Variants in BMPR2 observed in about 807,000 individuals in gnomAD.
The protein encoded by BMPR2 is bone morphogenetic protein receptor type 2, also known as bone morphogenetic protein receptor type-2.
In BMPR2, 29 loss-of-function variants were observed where a neutral mutation model predicts 100.8. The ratio of observed to expected loss-of-function variants is 0.29; its 90% CI spans 0.21 to 0.39. The LOEUF (loss-of-function observed/expected upper bound fraction) is 0.39. BMPR2 is among the 10% of genes least tolerant of loss of function. The pLI is 1.00. For synonymous variants in BMPR2, 382 were observed against 442.3 expected (o/e 0.86, Z 1.71); for missense variants, 1,011 against 1,274.5 (o/e 0.79, Z 3.15).
intron 10 of BMPR2, among the ~76,000 whole-genome samples, chr2:202,543,554 A>G (rs1347560550): frequency 6.6e-6 from 1 of 151,838 alleles, no homozygotes; most frequent in Non-Finnish European, 1.5e-5. Context: ...TATGATAATT[A>G]TTGTATTAAA....
intron 10 of BMPR2, among the ~76,000 whole-genome samples, chr2:202,545,246 A>C (rs1688356540): frequency 1.1e-3 from 2 of 1,818 alleles, no homozygotes; most frequent in East Asian, 0.014. Flanking sequence ...CCCTTACTAC[A>C]TTTTTCAAGA....
chr2:202,459,017 T>C (rs535484224), intron 1 of BMPR2, among the ~76,000 whole-genome samples: 4 of 152,210 alleles, frequency 2.6e-5, no homozygotes, highest in Non-Finnish European at 5.9e-5. Context: ...AAATATAAAG[T>C]TGTTTTTATA....
chr2:202,552,212 A>T (rs1393705068), intron 10 of BMPR2, among the ~76,000 whole-genome samples: 2 of 151,628 alleles, frequency 1.3e-5, no homozygotes, highest in Non-Finnish European at 2.9e-5. Flanking sequence ...CTGGTCTCAA[A>T]CTCCTAACCT....
intron 1 of BMPR2, among the ~76,000 whole-genome samples, chr2:202,409,882 G>A (rs753362331): frequency 2.0e-5 from 3 of 152,142 alleles, no homozygotes; most frequent in Non-Finnish European, 2.9e-5. Context: ...AGAAAATATT[G>A]TGGATAATAA....
intron 1 of BMPR2, among the ~76,000 whole-genome samples, chr2:202,379,593 C>A (rs1690227695): frequency 6.6e-6 from 1 of 152,132 alleles, no homozygotes; most frequent in South Asian, 2.1e-4. Flanking sequence ...TTTGCTTGGC[C>A]TAATATTGAA....
At chr2:202,465,024 T>A in intron 2 of BMPR2, 45 bp downstream of exon 2, 1 of 1,601,454 alleles carries the variant, frequency 6.2e-7, no homozygotes. Context: ...TTTTATACAA[T>A]TGATATTTAT....
intron 1 of BMPR2, among the ~76,000 whole-genome samples, chr2:202,410,473 C>T (rs1690990743): frequency 1.3e-5 from 2 of 152,076 alleles, no homozygotes; most frequent in Admixed American, 1.3e-4. Context: ...TTGGTCAAAG[C>T]TAAGACAAAA....
At chr2:202,465,115 G>C in intron 2 of BMPR2, 136 bp downstream of exon 2, 2 of 1,138,486 alleles carry the variant, frequency 1.8e-6, no homozygotes, top group South Asian at 2.7e-5. Flanking sequence ...GCCAGGTGTG[G>C]TGGCTCATGC....
In BMPR2 at chr2:202,532,712, G is replaced by C; in HGVS notation, c.1256G>C (p.Arg419Thr). 2 of 1,613,176 alleles carry C rather than the reference G, an allele frequency of 1.2e-6. No individual in the cohort carries two copies. Among genetic ancestry groups the C allele is most frequent in the Non-Finnish European group, 1.7e-6 (2 of 1,179,924 alleles). ...CTAATCTATTGGGAGATATTTATGA[G>C]ATGTACAGACCTCTTCCCAGGTAAA... is the stretch of plus-strand genomic sequence containing the variant. ...LGLIYWEIFM[R>T]CTDLFPGESV... The change falls in exon 9 of 13, where the codon AGA becomes ACA. Residue 419 changes from arginine to threonine, a missense_variant. By Grantham distance (71) the Arg-to-Thr change is moderately conservative. Around this residue, in one of 6 missense-constraint regions of BMPR2, gnomAD observed 83 missense variants for 140.7 expected, o/e 0.59. Transcript: ENST00000374580. The surrounding 1 kb of genome is among the most constrained non-coding windows in gnomAD (Gnocchi z 4.1).
intron 1 of BMPR2, among the ~76,000 whole-genome samples, chr2:202,387,282 CAT>C (rs1690448458): frequency 6.6e-6 from 1 of 152,174 alleles, no homozygotes; most frequent in Non-Finnish European, 1.5e-5. Flanking sequence ...TGAAGAGACA[CAT>C]GAGCATTTCT....
intron 1 of BMPR2, among the ~76,000 whole-genome samples, chr2:202,380,431 C>A (rs865933631): frequency 6.6e-6 from 1 of 151,890 alleles, no homozygotes; most frequent in African/African-American, 2.4e-5. Context: ...GTTTAGTAAT[C>A]TTCATTTTAG....
rs1688052228 is a variant in BMPR2, at chr2:202,532,742, A to G, written c.1276+10A>G. 1 of 1,610,494 alleles carries G rather than the reference A, an allele frequency of 6.2e-7. No individual in the cohort carries two copies. The highest frequency in any genetic ancestry group is 1.7e-5 in the Admixed American group (1 of 60,024). ...ACAGACCTCTTCCCAGGTAAAAACTACTGTCAAAAGTTGATATTTTTTGAA... is the reference window on the plus strand; with the variant it reads ...ACAGACCTCTTCCCAGGTAAAAACTGCTGTCAAAAGTTGATATTTTTTGAA... On this transcript the variant is annotated intron_variant, in intron 9 of 12. Transcript: ENST00000374580. The surrounding 1 kb of genome is among the most constrained non-coding windows in gnomAD (Gnocchi z 4.1).
intron 3 of BMPR2, among the ~76,000 whole-genome samples, chr2:202,492,438 G>A (rs571858583): frequency 4.6e-5 from 7 of 152,080 alleles, no homozygotes; most frequent in East Asian, 1.9e-4. Context: ...GGTGACTCAC[G>A]CTTGTAATCC....
At position 202,532,158 on chromosome 2, in the gene BMPR2, G is replaced by A. The variant is rs931240852; in HGVS notation, c.1129-427G>A. Among the ~76,000 whole-genome samples the A allele has an allele frequency of 6.8e-6, 1 of 147,150 alleles. No individual in the cohort carries two copies. Among genetic ancestry groups the A allele is most frequent in the African/African-American group, 2.5e-5 (1 of 39,662 alleles). ...GGGTTTCACTGTGTTAGCCAGGATG[G>A]TCTCGATCTCCTGACCTTGAGATCC... On this transcript the variant is annotated intron_variant, in intron 8 of 12. Coordinates refer to ENST00000374580, the MANE Select transcript of BMPR2 (RefSeq NM_001204.7). This position sits in a 1 kb window ranked among gnomAD's most constrained non-coding sequence, Gnocchi z 4.1.
intron 1 of BMPR2, among the ~76,000 whole-genome samples, chr2:202,425,769 T>C (rs546682346): frequency 1.3e-5 from 2 of 152,250 alleles, no homozygotes; most frequent in Non-Finnish European, 2.9e-5. Context: ...AATATATCCT[T>C]TTGACCTTGG....
At position 202,555,932 on chromosome 2, in the gene BMPR2, C is replaced by G. The variant is rs779080763; in HGVS notation, c.2267C>G (p.Thr756Ser). 3.7e-6 allele frequency: 6 copies of G among 1,614,176 alleles called. No homozygotes were observed. Among genetic ancestry groups the G allele is most frequent in the Non-Finnish European group, 5.1e-6 (6 of 1,180,038 alleles). Residue 756 changes from threonine (T) to serine (S), a missense_variant, in exon 12 of 13, where the codon ACT becomes AGT. Coordinates refer to ENST00000374580, the MANE Select transcript of BMPR2 (RefSeq NM_001204.7). The part of the protein sequence containing the change: ...PKQQNLPKRP[T>S]SLPLNTKNST... ...CAGCAGAACCTTCCCAAGAGACCTA[C>G]TAGTTTGCCTTTGAACACCAAAAAT...
At position 202,434,475 on chromosome 2, in the gene BMPR2, G is replaced by A. The variant is rs565269912; in HGVS notation, c.77-30334G>A. On this transcript the variant is annotated intron_variant, in intron 1 of 12. Transcript: ENST00000374580. ...AGCTTTAGCAGAAAAACACTAGGGA[G>A]AAATTTGTTAAAGAGTCCTTCTCCA... Among the ~76,000 whole-genome samples the A allele has an allele frequency of 1.3e-5, 2 of 150,512 alleles. 1 individual carries two copies. The highest frequency in any genetic ancestry group is 5.0e-5 in the African/African-American group (2 of 39,860).
intron 1 of BMPR2, among the ~76,000 whole-genome samples, chr2:202,418,080 CTT>C (rs1202379832): frequency 3.3e-5 from 5 of 152,054 alleles, no homozygotes; most frequent in African/African-American, 4.8e-5. Flanking sequence ...ATAAACATAA[CTT>C]ATATATGTAC....
At chr2:202,538,683 A>G (rs1238886382) in intron 9 of BMPR2, among the ~76,000 whole-genome samples, 1 of 151,364 alleles carries the variant, frequency 6.6e-6, no homozygotes, top group African/African-American at 2.4e-5. Flanking sequence ...AATCCCAGCT[A>G]CTCGGGAGGC....
Sources: allele counts gnomAD v4.1 joint callset (sites outside exome capture counted in the v4.1 genomes callset), GRCh38; gene constraint gnomAD v4.1.1; regional missense constraint gnomAD v4.1.1; non-coding constraint Gnocchi (gnomAD v3.1); transcripts MANE v1.5; gene names NCBI Gene and HGNC (gene_info 2026-07-23, HGNC 2026-07-21).